Variants in BFSP2 observed in about 807,000 individuals in gnomAD.
BFSP2 encodes the protein beaded filament structural protein 2.
BFSP2 carries 38 observed loss-of-function variants against 44.9 expected under a neutral mutation model. That is an observed-to-expected ratio of 0.85 (90% CI 0.65 to 1.11). BFSP2 has a LOEUF of 1.11. Among genes scored for constraint, BFSP2 ranks in the 50% least tolerant of loss-of-function variants. BFSP2 has a pLI of 0.00. For missense variants in BFSP2, 525 were observed against 533.0 expected, an observed-to-expected ratio of 0.99 and a Z score of 0.15; for synonymous variants, 197 against 209.9, an observed-to-expected ratio of 0.94 and a Z score of 0.53.
At chr3:133,422,329 C>T (rs1409893027) in intron 1 of BFSP2, among the ~76,000 whole-genome samples, 1 of 152,150 alleles carries the variant, frequency 6.6e-6, no homozygotes, top group Non-Finnish European at 1.5e-5. Flanking sequence ...ACTGACATCT[C>T]CCTGCACACA....
chr3:133,457,468 C>T (rs770819490), intron 4 of BFSP2, among the ~76,000 whole-genome samples: 72 of 152,088 alleles, frequency 4.7e-4, no homozygotes, highest in Non-Finnish European at 9.3e-4. Flanking sequence ...TCCTAGCTAC[C>T]GTTTTTTTCT....
chr3:133,428,860 T>C (rs2073679936), intron 1 of BFSP2, among the ~76,000 whole-genome samples: 1 of 152,252 alleles, frequency 6.6e-6, no homozygotes, highest in Non-Finnish European at 1.5e-5. Flanking sequence ...AGTCTCTCCC[T>C]GTGTCTGTCA....
chr3:133,421,443 C>A (rs1399042403), intron 1 of BFSP2, among the ~76,000 whole-genome samples: 1 of 152,198 alleles, frequency 6.6e-6, no homozygotes, highest in Non-Finnish European at 1.5e-5. Context: ...TTCCTTGGCC[C>A]GTAGATGCAT....
At chr3:133,473,411 C>A (rs935493322) in intron 6 of BFSP2, among the ~76,000 whole-genome samples, 1 of 140,176 alleles carries the variant, frequency 7.1e-6, no homozygotes, top group Non-Finnish European at 1.5e-5. Flanking sequence ...TCATTCCTGG[C>A]CGGAAGTGGG....
Position 133,472,574 on chromosome 3 carries a change from C to T in BFSP2, c.1244+9C>T. ...GACAGGGAGGAGAGCGGGTAAGCCT[C>T]GCTTCCGCGTCAATTATCCAAGAGA... On this transcript the variant is annotated intron_variant, in intron 6 of 6. Coordinates refer to ENST00000302334, the MANE Select transcript of BFSP2 (RefSeq NM_003571.4). 1.2e-6 allele frequency: 2 copies of T among 1,610,124 alleles called. No homozygotes were observed. Among genetic ancestry groups the T allele is most frequent in the South Asian group, 1.1e-5 (1 of 90,704 alleles).
intron 4 of BFSP2, among the ~76,000 whole-genome samples, chr3:133,457,421 C>G (rs1209359294): frequency 1.3e-5 from 2 of 152,174 alleles, no homozygotes; most frequent in Admixed American, 6.5e-5. Flanking sequence ...TCAAAACATA[C>G]AAAAGATATA....
At chr3:133,407,434 C>T (rs1171866599) in intron 1 of BFSP2, among the ~76,000 whole-genome samples, 1 of 152,154 alleles carries the variant, frequency 6.6e-6, no homozygotes, top group Non-Finnish European at 1.5e-5. Flanking sequence ...ATAAAGATGT[C>T]TCTTCTCCCT....
intron 4 of BFSP2, among the ~76,000 whole-genome samples, chr3:133,450,882 CG>C (rs1396767967): frequency 1.3e-5 from 2 of 152,118 alleles, no homozygotes; most frequent in Non-Finnish European, 2.9e-5. Context: ...GAGGCCAAGG[CG>C]GGCGGATCAT....
At chr3:133,409,731 T>G (rs919736289) in intron 1 of BFSP2, among the ~76,000 whole-genome samples, 1 of 152,188 alleles carries the variant, frequency 6.6e-6, no homozygotes, top group Non-Finnish European at 1.5e-5. Flanking sequence ...TGGTTGGGAA[T>G]CAATAAGAAT....
intron 1 of BFSP2, among the ~76,000 whole-genome samples, chr3:133,435,070 G>A (rs534425793): frequency 1.3e-5 from 2 of 152,256 alleles, no homozygotes; most frequent in East Asian, 3.9e-4. Context: ...GCCCTTTAAA[G>A]ATTTTTTAAG....
At chr3:133,467,159 G>A (rs546093725) in intron 5 of BFSP2, among the ~76,000 whole-genome samples, 200 bp downstream of exon 5, 65 of 152,264 alleles carry the variant, frequency 4.3e-4, no homozygotes, top group Non-Finnish European at 6.3e-4. Flanking sequence ...AGTGCCCCAC[G>A]GAAATATCTC....
chr3:133,466,961 T>G lies in BFSP2; in HGVS notation c.1023+2T>G. 1 of 1,614,016 alleles carries G rather than the reference T, an allele frequency of 6.2e-7. No homozygotes were observed. Among genetic ancestry groups the G allele is most frequent in the South Asian group, 1.1e-5 (1 of 91,076 alleles). ...GAGACAGAATCCTTACGTGCCCTGGTAAGTGGGCCAAGGAAAGACCTGGTG... is the reference window on the plus strand; with the variant it reads ...GAGACAGAATCCTTACGTGCCCTGGGAAGTGGGCCAAGGAAAGACCTGGTG... On this transcript the variant is annotated splice_donor_variant, in intron 5 of 6. Coordinates refer to ENST00000302334, the MANE Select transcript of BFSP2 (RefSeq NM_003571.4). LOFTEE classifies it high-confidence loss of function.
chr3:133,441,323 C>G (rs1576581628), intron 1 of BFSP2, among the ~76,000 whole-genome samples: 1 of 152,218 alleles, frequency 6.6e-6, no homozygotes, highest in Middle Eastern at 3.4e-3. Flanking sequence ...CTTCGTAATC[C>G]CCTGAGCCAC....
At chr3:133,471,990 C>G (rs944545622) in intron 5 of BFSP2, among the ~76,000 whole-genome samples, 1 of 152,080 alleles carries the variant, frequency 6.6e-6, no homozygotes, top group Non-Finnish European at 1.5e-5. Context: ...GAAACGCCTG[C>G]AAGCTGCCTC....
At chr3:133,440,052 C>T (rs2073829212) in intron 1 of BFSP2, among the ~76,000 whole-genome samples, 1 of 152,098 alleles carries the variant, frequency 6.6e-6, no homozygotes, top group African/African-American at 2.4e-5. Flanking sequence ...CCACAGTTCC[C>T]CACGGCTGGG....
chr3:133,426,177 G>C (rs1028265807), intron 1 of BFSP2, among the ~76,000 whole-genome samples: 1 of 151,754 alleles, frequency 6.6e-6, no homozygotes, highest in Non-Finnish European at 1.5e-5. Flanking sequence ...GCATCTGCAG[G>C]CACAAGCCCC....
chr3:133,446,936 G>C (rs1238706770), intron 1 of BFSP2, among the ~76,000 whole-genome samples: 1 of 151,758 alleles, frequency 6.6e-6, no homozygotes, highest in African/African-American at 2.4e-5. Context: ...GCCTTCCAAA[G>C]GCATCCATGA....
intron 1 of BFSP2, among the ~76,000 whole-genome samples, chr3:133,403,326 C>T (rs1576554453): frequency 6.6e-6 from 1 of 152,184 alleles, no homozygotes; most frequent in East Asian, 1.9e-4. Context: ...GCACTCCTTA[C>T]CCCTCCTGTT....
At chr3:133,438,502 T>C (rs6439405) in intron 1 of BFSP2, among the ~76,000 whole-genome samples, 42,713 of 152,052 alleles carry the variant, frequency 0.28, 6,350 homozygotes, top group Middle Eastern at 0.38. Flanking sequence ...ACCACTGCAC[T>C]CCAGCCTGGG....
Sources: gnomAD v4.1 joint callset for allele counts (sites outside exome capture counted in the v4.1 genomes callset) on GRCh38, gnomAD v4.1.1 for gene constraint, MANE v1.5 for transcripts, NCBI Gene and HGNC (gene_info 2026-07-23, HGNC 2026-07-21) for gene names.